Variants in HNF4G observed in about 807,000 individuals in gnomAD.
The protein encoded by HNF4G is hepatocyte nuclear factor 4-gamma.
In HNF4G, 21 loss-of-function variants were observed where a neutral mutation model predicts 50.9. The observed-to-expected ratio is 0.41, with a 90% CI of 0.29 to 0.59. The LOEUF (loss-of-function observed/expected upper bound fraction) is 0.59, where lower values mean the gene tolerates loss of function less well. Ranked by LOEUF, HNF4G falls within the 20% of genes least tolerant of loss-of-function variation. The pLI is 0.26. For synonymous variants in HNF4G, 198 were observed against 185.6 expected (o/e 1.07, Z -0.54); for missense variants, 527 against 559.4 (o/e 0.94, Z 0.58).
At chr8:75,496,556 G>T in intron 2 of HNF4G, among the ~76,000 whole-genome samples, 1 of 151,912 alleles carries the variant, frequency 6.6e-6, no homozygotes. Flanking sequence ...ACAACTTTCA[G>T]AGGGGATTTA....
chr8:75,544,317 T>A (rs904262452), intron 2 of HNF4G, among the ~76,000 whole-genome samples: 1 of 152,210 alleles, frequency 6.6e-6, no homozygotes, highest in Non-Finnish European at 1.5e-5. Context: ...CATTTCATGT[T>A]ATCTTTTCCT....
At chr8:75,534,279 C>T (rs1418538934) in intron 2 of HNF4G, among the ~76,000 whole-genome samples, 1 of 151,888 alleles carries the variant, frequency 6.6e-6, no homozygotes, top group Non-Finnish European at 1.5e-5. Flanking sequence ...AGTTTCCTTA[C>T]CAGTATAATC....
chr8:75,417,659 T>A (rs902987527), intron 1 of HNF4G, among the ~76,000 whole-genome samples: 1 of 152,214 alleles, frequency 6.6e-6, no homozygotes, highest in African/African-American at 2.4e-5. Flanking sequence ...CAATTATTTA[T>A]ATGAAGCATA....
chr8:75,433,400 C>T (rs1276246199), intron 1 of HNF4G, among the ~76,000 whole-genome samples: 2 of 147,152 alleles, frequency 1.4e-5, no homozygotes, highest in Non-Finnish European at 1.5e-5. Flanking sequence ...AGAGTCAGAC[C>T]CTGTCTCAGA....
intron 2 of HNF4G, among the ~76,000 whole-genome samples, chr8:75,490,864 A>G (rs552740716): frequency 1.9e-4 from 29 of 152,342 alleles, no homozygotes; most frequent in African/African-American, 6.7e-4. Context: ...AAAATACTCA[A>G]TAGAAAACGT....
intron 1 of HNF4G, among the ~76,000 whole-genome samples, chr8:75,412,216 G>A (rs1044142956): frequency 1.3e-5 from 2 of 152,188 alleles, no homozygotes; most frequent in African/African-American, 4.8e-5. Context: ...GCTAAGCAGT[G>A]TAGAGAAAAA....
intron 1 of HNF4G, among the ~76,000 whole-genome samples, chr8:75,483,949 A>G (rs1464866705): frequency 6.6e-6 from 1 of 152,180 alleles, no homozygotes; most frequent in Non-Finnish European, 1.5e-5. Context: ...ACACTTTCAC[A>G]TAAAATACTT....
chr8:75,436,197 G>T (rs1385414828), intron 1 of HNF4G, among the ~76,000 whole-genome samples: 2 of 152,124 alleles, frequency 1.3e-5, no homozygotes. Flanking sequence ...GGAGGACACT[G>T]TTTTTAAAAT....
chr8:75,457,926 G>T (rs915353155), intron 1 of HNF4G, among the ~76,000 whole-genome samples: 2 of 151,976 alleles, frequency 1.3e-5, no homozygotes, highest in African/African-American at 4.8e-5. Flanking sequence ...GAACAAAAAA[G>T]AAAGATACCA....
intron 2 of HNF4G, among the ~76,000 whole-genome samples, chr8:75,505,687 CA>C (rs5892495): frequency 3.2e-4 from 47 of 146,196 alleles, no homozygotes; most frequent in South Asian, 2.8e-3. Flanking sequence ...GCAAGATTTC[CA>C]AAAAAAAAAA....
intron 6 of HNF4G, 81 bp downstream of exon 6, chr8:75,556,150 A>C (rs1807117224): frequency 4.8e-6 from 3 of 627,190 alleles, no homozygotes; most frequent in African/African-American, 1.9e-5. Context: ...TTCTGTATGT[A>C]CCAAGTATTT....
intron 6 of HNF4G, among the ~76,000 whole-genome samples, chr8:75,556,894 T>A (rs1427079965): frequency 6.6e-6 from 1 of 152,222 alleles, no homozygotes; most frequent in Non-Finnish European, 1.5e-5. Context: ...GTATATATAT[T>A]CTCTCATTTA....
intron 1 of HNF4G, among the ~76,000 whole-genome samples, chr8:75,451,252 T>C (rs1045968934): frequency 2.0e-5 from 3 of 152,200 alleles, no homozygotes; most frequent in Admixed American, 1.3e-4. Flanking sequence ...TATTTTGTTG[T>C]ATAGCTTGCA....
chr8:75,504,838 T>G (rs1214277493), intron 2 of HNF4G, among the ~76,000 whole-genome samples: 1 of 152,176 alleles, frequency 6.6e-6, no homozygotes, highest in African/African-American at 2.4e-5. Context: ...AACCCTGGGA[T>G]TTTATACAGT....
chr8:75,424,649 C>T (rs1810850470), intron 1 of HNF4G, among the ~76,000 whole-genome samples: 1 of 152,122 alleles, frequency 6.6e-6, no homozygotes, highest in Non-Finnish European at 1.5e-5. Context: ...AACTGGTTTT[C>T]TGTGTTTGTG....
chr8:75,461,807 G>A (rs1329337743), intron 1 of HNF4G, among the ~76,000 whole-genome samples: 1 of 150,708 alleles, frequency 6.6e-6, no homozygotes, highest in African/African-American at 2.4e-5. Flanking sequence ...AACAACAATT[G>A]CTAATAATAA....
At chr8:75,497,909 T>A (rs1183700012) in intron 2 of HNF4G, among the ~76,000 whole-genome samples, 1 of 152,090 alleles carries the variant, frequency 6.6e-6, no homozygotes, top group Non-Finnish European at 1.5e-5. Context: ...CAAAATTAAT[T>A]GGAATATGAT....
intron 2 of HNF4G, among the ~76,000 whole-genome samples, chr8:75,525,486 AAT>A (rs1284385828): frequency 6.6e-6 from 1 of 152,102 alleles, no homozygotes; most frequent in Non-Finnish European, 1.5e-5. Flanking sequence ...TTTTTCTAAT[AAT>A]ATGTCAGCTT....
intron 4 of HNF4G, 103 bp from the exon 5 acceptor site, chr8:75,552,939 T>G: frequency 1.5e-6 from 1 of 666,680 alleles, no homozygotes; most frequent in South Asian, 2.3e-5. Context: ...ACAACAATAG[T>G]GCCTACTTCT....
Sources: gnomAD v4.1 joint callset for allele counts (sites outside exome capture counted in the v4.1 genomes callset) on GRCh38, gnomAD v4.1.1 for gene constraint, MANE v1.5 for transcripts, NCBI Gene and HGNC (gene_info 2026-07-23, HGNC 2026-07-21) for gene names.